Variants in ABCA13 observed in about 807,000 individuals in gnomAD.
ABCA13 encodes ATP binding cassette subfamily A member 13, also known as ATP-binding cassette sub-family A member 13.
Under a neutral mutation model 478.7 loss-of-function variants are expected in ABCA13, and 476 were observed. The ratio of observed to expected loss-of-function variants is 0.99; its 90% confidence interval spans 0.92 to 1.07. The LOEUF (loss-of-function observed/expected upper bound fraction) is 1.07. Among genes scored for constraint, ABCA13 ranks in the 50% least tolerant of loss-of-function variants. The probability of loss-of-function intolerance (pLI) is 0.00; values close to 1 mark genes in which losing one functional copy is unlikely to be tolerated. For missense variants in ABCA13, 6,060 were observed against 5,910.6 expected (o/e 1.03, Z -0.83); for synonymous variants, 2,252 against 2,158.9 (o/e 1.04, Z -1.20).
In ABCA13 at chr7:48,275,322, G is replaced by A. The variant is rs2095194161; in HGVS notation, c.5656G>A (p.Val1886Met). The part of the protein sequence containing the change: ...ESSRMEITRK[V>M]VCIIHELVDW... ...CTCCCGAATGGAAATAACTAGGAAA[G>A]TGGTCTGCATAATTCATGAATTAGT... Residue 1886 changes from valine (V) to methionine (M), a missense_variant, in exon 17 of 62, where the codon GTG becomes ATG. Physicochemically the swap from Val to Met is conservative, Grantham distance 21 (BLOSUM62 1). Around this residue, in one of 3 missense-constraint regions of ABCA13, gnomAD observed 4,423 missense variants for 4,309.1 expected, o/e 1.03. Coordinates refer to ENST00000435803, the MANE Select transcript of ABCA13 (RefSeq NM_152701.5). The A allele has an allele frequency of 6.2e-7, 1 of 1,613,828 alleles. No individual in the cohort carries two copies. Among genetic ancestry groups the A allele is most frequent in the Non-Finnish European group, 8.5e-7 (1 of 1,179,874 alleles).
intron 42 of ABCA13, among the ~76,000 whole-genome samples, chr7:48,439,123 C>T (rs541943731): frequency 6.6e-6 from 1 of 152,238 alleles, no homozygotes; most frequent in South Asian, 2.1e-4. Flanking sequence ...TATTTTCTCA[C>T]AGTTTCTTTT....
Position 48,274,024 on chromosome 7 carries a change from G to T in ABCA13, c.4358G>T (p.Gly1453Val). Residue 1453 changes from glycine (G) to valine (V), a missense_variant, in exon 17 of 62, where the codon GGC (glycine) becomes GTC (valine). Around this residue, in one of 3 missense-constraint regions of ABCA13, gnomAD observed 4,423 missense variants for 4,309.1 expected, o/e 1.03. Coordinates refer to ENST00000435803, the MANE Select transcript of ABCA13 (RefSeq NM_152701.5). Reference sequence around the variant, plus strand: ...AAAAAACCTCTTTGTTCATCAAATGGCTCACATATAAATTGTGTCAATATT... The same window carrying T: ...AAAAAACCTCTTTGTTCATCAAATGTCTCACATATAAATTGTGTCAATATT... ...NIKKPLCSSN[G>V]SHINCVNIYL... 1.2e-6 allele frequency: 2 copies of T among 1,605,716 alleles called. No homozygotes were observed. The highest frequency in any genetic ancestry group is 1.7e-6 in the Non-Finnish European group (2 of 1,173,692).
Position 48,403,795 on chromosome 7 carries a change from A to G in ABCA13, c.11986A>G (p.Thr3996Ala). The change falls in exon 39 of 62, where the codon ACC becomes GCC. Residue 3996 changes from threonine to alanine, a missense_variant. Around this residue, in one of 3 missense-constraint regions of ABCA13, gnomAD observed 1,627 missense variants for 1,571.0 expected, o/e 1.04. Transcript: ENST00000435803. ...CATTGCTTTCATGGGCATGTCGAGG[A>G]CCGTGGTTCTGGATGAGCCCACCAG... is the stretch of plus-strand genomic sequence containing the variant. ...LGIAFMGMSR[T>A]VVLDEPTSGV... 1 of 1,613,956 alleles carries G rather than the reference A, an allele frequency of 6.2e-7. No individual in the cohort carries two copies. The highest frequency in any genetic ancestry group is 8.5e-7 in the Non-Finnish European group (1 of 1,179,856).
rs1361417870 is a variant in ABCA13 at position 48,367,746 on chromosome 7, G to A, written c.10689-48G>A. On this transcript the variant is annotated intron_variant, in intron 31 of 61. Transcript: ENST00000435803. ...GGAAGAAAAATGTAAAAAATTAGTAGAGTCATTTTGCTTGTCTCCGGATGC... is the reference window on the plus strand; with the variant it reads ...GGAAGAAAAATGTAAAAAATTAGTAAAGTCATTTTGCTTGTCTCCGGATGC... The A allele has an allele frequency of 2.2e-6, 3 of 1,386,872 alleles. No homozygotes were observed. The African/African-American group carries it at 4.3e-5, about 20-fold the overall frequency. 85.9% of individuals were successfully genotyped at this position (1,386,872 alleles called of 1,614,324 possible). A position where few individuals can be genotyped will look rare whatever the true frequency, so the allele number is the denominator to read the frequency against.
chr7:48,367,256 T>A lies in ABCA13; in HGVS notation c.10689-538T>A, dbSNP rs73323797. ...AAGGAAAATGACTGGATAATTCTCA[T>A]TGGATTTTGAGGCATGACTGTCATT... On this transcript the variant is annotated intron_variant, in intron 31 of 61. Coordinates refer to ENST00000435803, the MANE Select transcript of ABCA13 (RefSeq NM_152701.5). Among the ~76,000 whole-genome samples, 977 of 152,170 alleles carry A rather than the reference T, an allele frequency of 6.4e-3. 15 individuals carry two copies. The highest frequency in any genetic ancestry group is 0.023 in the African/African-American group (934 of 41,510).
intron 43 of ABCA13, among the ~76,000 whole-genome samples, chr7:48,465,515 T>G (rs974513093): frequency 2.7e-5 from 4 of 146,174 alleles, no homozygotes; most frequent in Admixed American, 6.9e-5. Context: ...TTGCTTACAT[T>G]TCTTCTTTCT....
At chr7:48,540,939 G>A (rs1361481039) in intron 55 of ABCA13, among the ~76,000 whole-genome samples, 3 of 152,038 alleles carry the variant, frequency 2.0e-5, no homozygotes, top group South Asian at 2.1e-4. Context: ...TTGGCAAGTT[G>A]TCAAGGCTGC....
At chr7:48,504,692 C>T (rs537898995) in intron 48 of ABCA13, among the ~76,000 whole-genome samples, 1 of 152,282 alleles carries the variant, frequency 6.6e-6, no homozygotes, top group South Asian at 2.1e-4. Context: ...TAGAAGAGCA[C>T]ACAACATTGC....
intron 20 of ABCA13, among the ~76,000 whole-genome samples, chr7:48,288,774 T>C (rs79570266): frequency 0.022 from 3,322 of 152,270 alleles, 126 homozygotes; most frequent in African/African-American, 0.076. Context: ...TTTTATTAAA[T>C]TGGACACATG....
chr7:48,637,730 A>G (rs1159868917), intron 59 of ABCA13, among the ~76,000 whole-genome samples: 1 of 152,122 alleles, frequency 6.6e-6, no homozygotes, highest in Non-Finnish European at 1.5e-5. Flanking sequence ...TGACTTGGCT[A>G]TTGTTCCTTA....
At chr7:48,566,149 G>A (rs934841237) in intron 55 of ABCA13, among the ~76,000 whole-genome samples, 5 of 152,108 alleles carry the variant, frequency 3.3e-5, no homozygotes, top group African/African-American at 1.2e-4. Flanking sequence ...GAAATTAAAT[G>A]CCTGCAGTGA....
intron 35 of ABCA13, among the ~76,000 whole-genome samples, chr7:48,378,208 A>G (rs942316351): frequency 1.3e-5 from 2 of 152,182 alleles, no homozygotes; most frequent in Non-Finnish European, 2.9e-5. Context: ...GAGTAGACTC[A>G]TGGAGGAAGG....
At chr7:48,462,452 C>A (rs185598375) in intron 43 of ABCA13, among the ~76,000 whole-genome samples, 43 of 152,012 alleles carry the variant, frequency 2.8e-4, no homozygotes, top group African/African-American at 8.7e-4. Flanking sequence ...TTCCCCCCCC[C>A]CTACTGTTTC....
chr7:48,254,592 G>A (rs1241607555), intron 15 of ABCA13, among the ~76,000 whole-genome samples: 1 of 152,000 alleles, frequency 6.6e-6, no homozygotes, highest in African/African-American at 2.4e-5. Context: ...GAGATAATGC[G>A]ACACTCTGCA....
In ABCA13 at chr7:48,305,426, C is replaced by T. The variant is rs149226089; in HGVS notation, c.9322-4521C>T. Among the ~76,000 whole-genome samples the T allele has an allele frequency of 2.6e-5, 4 of 152,332 alleles. No individual in the cohort carries two copies. The East Asian group carries it at 7.7e-4, about 29-fold the overall frequency. On this transcript the variant is annotated intron_variant, in intron 23 of 61. Transcript: ENST00000435803. ...TCCCCAATGGCAGAGAGCCACACTG[C>T]TCCTCTCTGAAGGGCGTAGGGCCTA...
intron 39 of ABCA13, among the ~76,000 whole-genome samples, chr7:48,407,639 C>A (rs1331263433): frequency 6.6e-6 from 1 of 151,936 alleles, no homozygotes; most frequent in Non-Finnish European, 1.5e-5. Context: ...TCACTGCAAC[C>A]TCTGCCTCCT....
chr7:48,215,581 C>T (rs1014533459), intron 3 of ABCA13, among the ~76,000 whole-genome samples: 1 of 152,070 alleles, frequency 6.6e-6, no homozygotes, highest in Non-Finnish European at 1.5e-5. Flanking sequence ...GTGAAAAATA[C>T]AGTATCTGTG....
At chr7:48,451,855 T>C (rs1191645934) in intron 42 of ABCA13, among the ~76,000 whole-genome samples, 1 of 152,148 alleles carries the variant, frequency 6.6e-6, no homozygotes, top group Non-Finnish European at 1.5e-5. Context: ...CCCAAGCAAT[T>C]TGATGGTCAG....
At chr7:48,367,184 A>G (rs534172965) in intron 31 of ABCA13, among the ~76,000 whole-genome samples, 1 of 152,204 alleles carries the variant, frequency 6.6e-6, no homozygotes, top group Admixed American at 6.5e-5. Flanking sequence ...GAGAAAAGAG[A>G]GGAGGAGGGA....
Sources: allele counts gnomAD v4.1 joint callset (sites outside exome capture counted in the v4.1 genomes callset), GRCh38; gene constraint gnomAD v4.1.1; regional missense constraint gnomAD v4.1.1; transcripts MANE v1.5; gene names NCBI Gene and HGNC (gene_info 2026-07-23, HGNC 2026-07-21).